PDSS1: variants seen among roughly 807,000 people sequenced by gnomAD.
PDSS1 encodes the protein decaprenyl diphosphate synthase subunit 1.
In PDSS1, 43 loss-of-function variants were observed where a neutral mutation model predicts 57.5. That is an observed-to-expected ratio of 0.75 (90% confidence interval 0.59 to 0.96). The LOEUF (loss-of-function observed/expected upper bound fraction) is 0.96. Among genes scored for constraint, PDSS1 ranks in the 50% least tolerant of loss-of-function variants. The pLI, the probability that PDSS1 is intolerant of heterozygous loss-of-function variation, is 0.00. For missense variants in PDSS1, 438 were observed against 527.8 expected (o/e 0.83, Z 1.67); for synonymous variants, 175 against 191.3 (o/e 0.91, Z 0.70).
chr10:26,711,817 G>A (rs181338072), intron 5 of PDSS1, among the ~76,000 whole-genome samples: 2 of 93,772 alleles, frequency 2.1e-5, no homozygotes, highest in South Asian at 2.9e-4. Context: ...CCCACGCAGC[G>A]CAGATTCGCC....
At chr10:26,713,352 T>C (rs1369726203) in intron 5 of PDSS1, among the ~76,000 whole-genome samples, 1 of 152,138 alleles carries the variant, frequency 6.6e-6, no homozygotes, top group East Asian at 1.9e-4. Flanking sequence ...GGAGGGGATT[T>C]TAATAAACGA....
chr10:26,711,192 C>T lies in PDSS1; in HGVS notation c.467+1424C>T, dbSNP rs1172167851. Reference sequence around the variant, plus strand: ...AATTAATGAAATGTCTTCACAATTACATCATATAATCTATTGATGGAAATT... The same window carrying T: ...AATTAATGAAATGTCTTCACAATTATATCATATAATCTATTGATGGAAATT... On this transcript the variant is annotated intron_variant, in intron 5 of 11. Coordinates refer to ENST00000376215, the MANE Select transcript of PDSS1 (RefSeq NM_014317.5). Among the ~76,000 whole-genome samples the T allele has an allele frequency of 2.0e-5, 2 of 99,782 alleles. 1 individual carries two copies. The highest frequency in any genetic ancestry group is 6.5e-5 in the African/African-American group (2 of 30,826). The allele number at this position is 99,782 out of a possible 152,430, so 65.5% of individuals were successfully genotyped here. A position where few individuals can be genotyped will look rare whatever the true frequency, so the allele number is the denominator to read the frequency against.
chr10:26,730,107 T>A (rs955500557), intron 8 of PDSS1, among the ~76,000 whole-genome samples: 7 of 151,158 alleles, frequency 4.6e-5, no homozygotes, highest in Non-Finnish European at 7.4e-5. Flanking sequence ...AGAGATGGGG[T>A]TTCATGGTGT....
intron 1 of PDSS1, among the ~76,000 whole-genome samples, chr10:26,700,744 C>T (rs1356117272): frequency 1.3e-5 from 2 of 152,108 alleles, no homozygotes; most frequent in Non-Finnish European, 1.5e-5. Context: ...AACTGTGAGT[C>T]AATTAAACCT....
intron 8 of PDSS1, among the ~76,000 whole-genome samples, chr10:26,726,199 C>A (rs1329127113): frequency 6.6e-6 from 1 of 152,176 alleles, no homozygotes; most frequent in Non-Finnish European, 1.5e-5. Flanking sequence ...AAGATATGCA[C>A]CTCATTCTTC....
At position 26,704,731 on chromosome 10, in the gene PDSS1, C is replaced by T. The variant is rs1330717094; in HGVS notation, c.217C>T (p.Arg73Cys). 26 of 1,413,084 alleles carry T rather than the reference C, an allele frequency of 1.8e-5. No individual in the cohort carries two copies. Among genetic ancestry groups the T allele is most frequent in the African/African-American group, 2.8e-5 (2 of 71,012 alleles). 87.5% of individuals were successfully genotyped at this position (1,413,084 alleles called of 1,614,324 possible). ...HLTSACPNVC[R>C]ISRFHHTTPD... Reference sequence around the variant, plus strand: ...AACATCTGCCTGTCCAAATGTATGTCGTATATCACGGTAAGTTTACAGTCC... The same window carrying T: ...AACATCTGCCTGTCCAAATGTATGTTGTATATCACGGTAAGTTTACAGTCC... Residue 73 changes from arginine (R) to cysteine (C), a missense_variant, in exon 3 of 12, where the codon CGT (arginine) becomes TGT (cysteine). By Grantham distance (180) the Arg-to-Cys change is radical. This residue lies in a region of PDSS1 where 154 missense variants were observed against 137.0 expected (regional missense o/e 1.12). Transcript: ENST00000376215.
intron 8 of PDSS1, among the ~76,000 whole-genome samples, chr10:26,732,455 C>G (rs111670414): frequency 6.6e-5 from 10 of 152,350 alleles, no homozygotes; most frequent in African/African-American, 2.4e-4. Context: ...TTTATGCTTA[C>G]TTGGACACAT....
intron 10 of PDSS1, among the ~76,000 whole-genome samples, chr10:26,739,838 T>TA (rs1836525484): frequency 6.6e-6 from 1 of 152,012 alleles, no homozygotes; most frequent in South Asian, 2.1e-4. Context: ...CCCATCTCTA[T>TA]AAAAAATTTA....
At chr10:26,737,679 C>T (rs1836448585) in intron 10 of PDSS1, among the ~76,000 whole-genome samples, 1 of 131,784 alleles carries the variant, frequency 7.6e-6, no homozygotes, top group African/African-American at 2.9e-5. Context: ...TGCAGTGAGC[C>T]GAGACTGCAC....
At chr10:26,726,059 G>C (rs1174677392) in intron 8 of PDSS1, among the ~76,000 whole-genome samples, 3 of 152,206 alleles carry the variant, frequency 2.0e-5, no homozygotes, top group Non-Finnish European at 4.4e-5. Flanking sequence ...AGCTAGCACA[G>C]AAATTCACTC....
At chr10:26,717,582 T>G (rs1835633504) in intron 5 of PDSS1, 1 of 152,194 alleles carries the variant, frequency 6.6e-6, no homozygotes, top group Admixed American at 6.5e-5. Context: ...TCAAAATATT[T>G]TAAGAAATCT....
chr10:26,729,817 A>G (rs572289766), intron 8 of PDSS1, among the ~76,000 whole-genome samples: 5 of 151,390 alleles, frequency 3.3e-5, no homozygotes, highest in East Asian at 1.9e-4. Flanking sequence ...AGTTATTTCT[A>G]TCCTACTGCT....
chr10:26,727,976 G>T (rs1478120795), intron 8 of PDSS1, among the ~76,000 whole-genome samples: 2 of 152,158 alleles, frequency 1.3e-5, no homozygotes, highest in Admixed American at 1.3e-4. Context: ...CCACAAGAGC[G>T]GTGCTGTCCT....
At position 26,724,124 on chromosome 10, in the gene PDSS1, G is replaced by A. The variant is rs1835878668; in HGVS notation, c.831+1G>A. The A allele has an allele frequency of 3.2e-6, 5 of 1,583,040 alleles. No homozygotes were observed. Among genetic ancestry groups the A allele is most frequent in the East Asian group, 2.2e-5 (1 of 44,742 alleles). ...CCTGATAGCCAACAGTTGTAAAGCA[G>A]TATGTACGTTCTGTCTTTCTTCAAG... On this transcript the variant is annotated splice_donor_variant, in intron 8 of 11. Transcript: ENST00000376215. LOFTEE classifies it high-confidence loss of function.
At chr10:26,708,843 T>A (rs959986554) in intron 4 of PDSS1, among the ~76,000 whole-genome samples, 13 of 151,936 alleles carry the variant, frequency 8.6e-5, no homozygotes, top group African/African-American at 2.7e-4. Flanking sequence ...ATAAAAAATT[T>A]AAAAAAACAA....
At chr10:26,744,197 G>A (rs1176573746) in intron 11 of PDSS1, among the ~76,000 whole-genome samples, 5 of 152,110 alleles carry the variant, frequency 3.3e-5, no homozygotes, top group Non-Finnish European at 7.4e-5. Flanking sequence ...AGAAAATGGT[G>A]TCAAAACTGG....
intron 5 of PDSS1, among the ~76,000 whole-genome samples, chr10:26,713,556 T>C (rs1835463592): frequency 6.6e-6 from 1 of 152,082 alleles, no homozygotes; most frequent in African/African-American, 2.4e-5. Context: ...ATTTTGTGTA[T>C]ATTTGGATTT....
intron 6 of PDSS1, among the ~76,000 whole-genome samples, chr10:26,721,298 C>CA (rs60684682): frequency 5.7e-4 from 75 of 131,566 alleles, no homozygotes; most frequent in South Asian, 7.3e-4. Context: ...GACTCCATTT[C>CA]AAAAAAAAAA....
At chr10:26,700,006 G>A (rs998374862) in intron 1 of PDSS1, among the ~76,000 whole-genome samples, 2 of 152,100 alleles carry the variant, frequency 1.3e-5, no homozygotes, top group Admixed American at 6.6e-5. Flanking sequence ...GACAAAGAGC[G>A]GCAATAATTA....
Sources: allele counts gnomAD v4.1 joint callset (sites outside exome capture counted in the v4.1 genomes callset), GRCh38; gene constraint gnomAD v4.1.1; regional missense constraint gnomAD v4.1.1; transcripts MANE v1.5; gene names NCBI Gene and HGNC (gene_info 2026-07-23, HGNC 2026-07-21).